The following CECR2 variants were observed in gnomAD, a reference collection of about 807,000 sequenced individuals.
CECR2 encodes the protein CECR2 histone acetyl-lysine reader.
In CECR2, 30 loss-of-function variants were observed where a neutral mutation model predicts 154.5. The observed-to-expected ratio is 0.19, with a 90% confidence interval of 0.15 to 0.26. CECR2 has a LOEUF of 0.26. Among genes scored for constraint, CECR2 ranks in the 10% least tolerant of loss-of-function variants. The pLI is 1.00. For missense variants in CECR2, 1,743 were observed against 1,829.3 expected (o/e 0.95, Z 0.86); for synonymous variants, 725 against 683.7 (o/e 1.06, Z -0.94).
chr22:17,547,934 G>A, intron 16 of CECR2, among the ~76,000 whole-genome samples: 1 of 152,168 alleles, frequency 6.6e-6, no homozygotes, highest in East Asian at 1.9e-4. Flanking sequence ...TGAATGTAGA[G>A]GTGCTAGGTT....
intron 4 of CECR2, 120 bp downstream of exon 4, chr22:17,499,669 TGCAA>T: frequency 1.0e-6 from 1 of 978,696 alleles, no homozygotes; most frequent in Non-Finnish European, 1.5e-6. Flanking sequence ...TAAGCATGCC[TGCAA>T]AGAGATGGTA....
chr22:17,531,981 C>T (rs2056362315), intron 9 of CECR2, among the ~76,000 whole-genome samples: 1 of 152,048 alleles, frequency 6.6e-6, no homozygotes, highest in Admixed American at 6.6e-5. Context: ...CCAGCCTGGG[C>T]AACATAATGA....
intron 1 of CECR2, among the ~76,000 whole-genome samples, chr22:17,383,503 G>C (rs189340013): frequency 1.5e-3 from 226 of 152,092 alleles, no homozygotes; most frequent in African/African-American, 5.2e-3. Flanking sequence ...ATAATACATT[G>C]TGCCTCAACA....
intron 9 of CECR2, among the ~76,000 whole-genome samples, chr22:17,530,645 CCAGCCTGGGCAA>C (rs1429333720): frequency 6.6e-6 from 1 of 151,644 alleles, no homozygotes; most frequent in Non-Finnish European, 1.5e-5. Flanking sequence ...CCACTGCATT[CCAGCCTGGGCAA>C]CAGAGCGAGA....
chr22:17,505,233 T>A (rs1325769449), intron 7 of CECR2, among the ~76,000 whole-genome samples: 1 of 152,010 alleles, frequency 6.6e-6, no homozygotes, highest in African/African-American at 2.4e-5. Context: ...AAGTCCTCAG[T>A]GTCTACCACC....
chr22:17,490,319 C>G (rs2055504890), intron 2 of CECR2, among the ~76,000 whole-genome samples: 1 of 152,054 alleles, frequency 6.6e-6, no homozygotes, highest in Non-Finnish European at 1.5e-5. Flanking sequence ...GAAGTTGTTC[C>G]ATTTCTTCTT....
At chr22:17,455,675 G>C (rs1057018172) in intron 1 of CECR2, among the ~76,000 whole-genome samples, 3 of 152,288 alleles carry the variant, frequency 2.0e-5, no homozygotes, top group African/African-American at 7.2e-5. Flanking sequence ...GTGCAGTGGC[G>C]CAATCTCGGC....
intron 9 of CECR2, among the ~76,000 whole-genome samples, chr22:17,529,056 T>G (rs185434410): frequency 9.8e-4 from 149 of 152,156 alleles, no homozygotes; most frequent in African/African-American, 2.2e-3. Context: ...TGATTTCCCC[T>G]GCTGAACACA....
intron 9 of CECR2, among the ~76,000 whole-genome samples, chr22:17,530,478 C>G (rs1258069159): frequency 1.3e-5 from 2 of 151,940 alleles, no homozygotes; most frequent in Non-Finnish European, 2.9e-5. Context: ...TTGACACCAT[C>G]CTGGCCAACA....
chr22:17,516,471 C>A (rs925155878), intron 8 of CECR2, among the ~76,000 whole-genome samples: 6 of 152,140 alleles, frequency 3.9e-5, no homozygotes, highest in South Asian at 4.1e-4. Context: ...TGTCCCCACC[C>A]AGAGCTCATC....
At chr22:17,384,838 G>A (rs1199983405) in intron 1 of CECR2, among the ~76,000 whole-genome samples, 1 of 152,110 alleles carries the variant, frequency 6.6e-6, no homozygotes, top group African/African-American at 2.4e-5. Flanking sequence ...GTCCTAGGTG[G>A]CATTTTCTTT....
At chr22:17,504,761 G>A in intron 6 of CECR2, 86 bp from the exon 7 acceptor site, 1 of 1,265,342 alleles carries the variant, frequency 7.9e-7, no homozygotes, top group Admixed American at 2.1e-5. Context: ...TTTTAGTCAT[G>A]ACCCACAGTA....
intron 1 of CECR2, among the ~76,000 whole-genome samples, chr22:17,412,685 C>T (rs1433728668): frequency 1.3e-5 from 2 of 152,084 alleles, no homozygotes; most frequent in Non-Finnish European, 2.9e-5. Flanking sequence ...AGGAAACTGT[C>T]CCTCAGCCTG....
chr22:17,382,748 T>C (rs1168583791), intron 1 of CECR2, among the ~76,000 whole-genome samples: 1 of 151,040 alleles, frequency 6.6e-6, no homozygotes, highest in Non-Finnish European at 1.5e-5. Flanking sequence ...CTACTAAAAA[T>C]ACAAAAATCA....
At chr22:17,382,231 G>A (rs1569044851) in intron 1 of CECR2, among the ~76,000 whole-genome samples, 1 of 152,046 alleles carries the variant, frequency 6.6e-6, no homozygotes, top group African/African-American at 2.4e-5. Flanking sequence ...AAAAGAGGTT[G>A]AGAGAGAGAG....
intron 8 of CECR2, among the ~76,000 whole-genome samples, chr22:17,516,216 T>TCC (rs1305790531): frequency 6.6e-6 from 1 of 152,072 alleles, no homozygotes; most frequent in Non-Finnish European, 1.5e-5. Flanking sequence ...GATATATATA[T>TCC]ATGGATATAT....
rs1275663683 is a variant in CECR2, at chr22:17,541,898, T to C, written c.1944T>C (p.Tyr648=). ...GAGGATCAGATCCTGCCACCTTGTA[T>C]GGCTCCTCTGGAGTCCCGGAGCCAC... The part of the protein sequence containing the change: ...PLRGSDPATL[Y]GSSGVPEPHP... The change falls in exon 15 of 19, where the codon TAT becomes TAC. Residue 648 remains tyrosine, a synonymous_variant. Transcript: ENST00000262608. 1 of 1,614,014 alleles carries C rather than the reference T, an allele frequency of 6.2e-7. No homozygotes were observed. The highest frequency in any genetic ancestry group is 1.3e-5 in the African/African-American group (1 of 75,064).
intron 1 of CECR2, among the ~76,000 whole-genome samples, chr22:17,429,478 G>T (rs991837130): frequency 6.7e-6 from 1 of 149,108 alleles, no homozygotes; most frequent in African/African-American, 2.5e-5. Context: ...GAGGTAGTCG[G>T]ATCGCTTGAG....
chr22:17,511,808 T>G lies in CECR2; in HGVS notation c.871-5T>G. The stretch of plus-strand genomic sequence containing the variant: ...TTCCTTTCTCTTCTTCACTTCTAAC[T>G]ATAGGGAAAACGTCCACAGCGCACA... On this transcript the variant is annotated splice_region_variant and splice_polypyrimidine_tract_variant and intron_variant, in intron 7 of 18. Coordinates refer to ENST00000262608, the MANE Select transcript of CECR2 (RefSeq NM_001290047.2). 1 of 1,610,326 alleles carries G rather than the reference T, an allele frequency of 6.2e-7. No homozygotes were observed. The highest frequency in any genetic ancestry group is 1.3e-5 in the African/African-American group (1 of 74,854).
Sources: allele counts gnomAD v4.1 joint callset (sites outside exome capture counted in the v4.1 genomes callset), GRCh38; gene constraint gnomAD v4.1.1; transcripts MANE v1.5; gene names NCBI Gene and HGNC (gene_info 2026-07-23, HGNC 2026-07-21).